KAZN: variants seen among roughly 807,000 people sequenced by gnomAD.
KAZN encodes the protein kazrin.
In KAZN, 40 loss-of-function variants were observed where a neutral mutation model predicts 87.4. The ratio of observed to expected loss-of-function variants is 0.46; its 90% CI spans 0.36 to 0.60. The LOEUF is 0.60. KAZN is among the 20% of genes least tolerant of loss of function. The pLI, the probability that KAZN is intolerant of heterozygous loss-of-function variation, is 0.00. For synonymous variants in KAZN, 466 were observed against 458.3 expected, an observed-to-expected ratio of 1.02 and a Z score of -0.22; for missense variants, 898 against 1,073.9, an observed-to-expected ratio of 0.84 and a Z score of 2.29.
intron 2 of KAZN, among the ~76,000 whole-genome samples, chr1:14,987,906 G>C (rs912435965): frequency 5.3e-5 from 8 of 152,352 alleles, no homozygotes; most frequent in African/African-American, 1.9e-4. Context: ...CCAGGCTGCA[G>C]AAGCCACAGG....
At chr1:15,065,938 G>T in intron 8 of KAZN, 185 bp downstream of exon 8, 1 of 1,414,056 alleles carries the variant, frequency 7.1e-7, no homozygotes. Context: ...GGGTGTGGCC[G>T]AGCGCCTCTA....
At chr1:14,403,243 A>G (rs1290913664) in intron 2 of KAZN, among the ~76,000 whole-genome samples, 9 of 152,210 alleles carry the variant, frequency 5.9e-5, no homozygotes, top group Admixed American at 5.9e-4. Flanking sequence ...GTAAGAAAAA[A>G]ATGAAAGTAC....
At chr1:14,521,662 C>T (rs1037985792) in intron 2 of KAZN, among the ~76,000 whole-genome samples, 2 of 152,154 alleles carry the variant, frequency 1.3e-5, no homozygotes, top group Non-Finnish European at 2.9e-5. Flanking sequence ...AACTGAGAAC[C>T]GCCTACAGTC....
intron 1 of KAZN, among the ~76,000 whole-genome samples, chr1:13,973,120 C>T (rs2101054147): frequency 6.6e-6 from 1 of 152,192 alleles, no homozygotes; most frequent in South Asian, 2.1e-4. Context: ...TCTTCTTCCT[C>T]TTCATCTTTA....
chr1:14,412,802 A>G (rs1474625018), intron 2 of KAZN, among the ~76,000 whole-genome samples: 1 of 151,534 alleles, frequency 6.6e-6, no homozygotes, highest in African/African-American at 2.4e-5. Flanking sequence ...GACACAAAAT[A>G]ATTTTTAAAA....
intron 2 of KAZN, among the ~76,000 whole-genome samples, chr1:14,237,831 A>AGAAGGT (rs1421363152): frequency 6.6e-6 from 1 of 152,180 alleles, no homozygotes; most frequent in Non-Finnish European, 1.5e-5. Context: ...ACAAGGTCCA[A>AGAAGGT]GAAGCCCACA....
chr1:13,971,406 T>C (rs1201612218), intron 1 of KAZN, among the ~76,000 whole-genome samples: 1 of 152,150 alleles, frequency 6.6e-6, no homozygotes, highest in African/African-American at 2.4e-5. Flanking sequence ...GGGCATTGAA[T>C]TGGAGGTTCA....
At position 15,114,579 on chromosome 1, in the gene KAZN, A is replaced by C. The variant is rs1332414533; in HGVS notation, c.2272A>C (p.Arg758=). Residue 758 remains arginine (R), a synonymous_variant, in exon 15 of 15, where the codon AGG becomes CGG. Coordinates refer to ENST00000376030, the MANE Select transcript of KAZN (RefSeq NM_201628.3). ...TTGCGGAGACGATGACCCCCAGAGCAGGCTGGAACAGTGCCGTCTGGAAGG... is the reference window on the plus strand; with the variant it reads ...TTGCGGAGACGATGACCCCCAGAGCCGGCTGGAACAGTGCCGTCTGGAAGG... ...EDCGDDDPQS[R]LEQCRLEGYN... 1 of 1,604,466 alleles carries C rather than the reference A, an allele frequency of 6.2e-7. No individual in the cohort carries two copies. The highest frequency in any genetic ancestry group is 8.5e-7 in the Non-Finnish European group (1 of 1,175,344).
chr1:14,481,468 A>G (rs992089273), intron 2 of KAZN, among the ~76,000 whole-genome samples: 1 of 152,290 alleles, frequency 6.6e-6, no homozygotes, highest in East Asian at 1.9e-4. Flanking sequence ...ATTAAGTAAG[A>G]GAGCAAGTTC....
In KAZN at chr1:14,920,709, C is replaced by T. The variant is rs61495498; in HGVS notation, c.227-39975C>T. On this transcript the variant is annotated intron_variant, in intron 1 of 14. Transcript: ENST00000376030. ...CAACAGTGGAGCATTCACCCAAGCT[C>T]GGGGCCCTTCTGAGCACGGGGCCCA... Among the ~76,000 whole-genome samples, 19 of 152,288 alleles carry T rather than the reference C, an allele frequency of 1.2e-4. No individual in the cohort carries two copies. In the East Asian group the frequency reaches 3.1e-3, roughly 25 times the overall value.
intron 2 of KAZN, among the ~76,000 whole-genome samples, chr1:14,186,946 C>T (rs1474645969): frequency 2.0e-5 from 3 of 152,104 alleles, no homozygotes; most frequent in Non-Finnish European, 4.4e-5. Flanking sequence ...ATACTGATGA[C>T]AGCGTACATG....
At chr1:14,037,954 G>A (rs1257338312) in intron 1 of KAZN, among the ~76,000 whole-genome samples, 1 of 152,130 alleles carries the variant, frequency 6.6e-6, no homozygotes, top group Non-Finnish European at 1.5e-5. Context: ...GGGTTTTAGG[G>A]GGTGAGAGGC....
intron 1 of KAZN, among the ~76,000 whole-genome samples, chr1:14,637,022 C>T (rs959651642): frequency 1.3e-5 from 2 of 152,042 alleles, no homozygotes; most frequent in African/African-American, 2.4e-5. Flanking sequence ...ACATGGTTAC[C>T]CAGGAATCTG....
At chr1:14,570,419 A>G (rs76020913) in intron 2 of KAZN, among the ~76,000 whole-genome samples, 16 of 152,300 alleles carry the variant, frequency 1.1e-4, no homozygotes, top group African/African-American at 3.1e-4. Context: ...CCCTAGCCCC[A>G]GATCACCACT....
intron 2 of KAZN, among the ~76,000 whole-genome samples, chr1:14,970,289 G>A (rs1212050019): frequency 6.6e-6 from 1 of 152,118 alleles, no homozygotes; most frequent in East Asian, 1.9e-4. Context: ...TGTCGTGCTT[G>A]CTGATATCTC....
At chr1:13,934,198 C>T (rs947867861) in intron 1 of KAZN, among the ~76,000 whole-genome samples, 1 of 152,212 alleles carries the variant, frequency 6.6e-6, no homozygotes, top group African/African-American at 2.4e-5. Context: ...TGCTGCCTCT[C>T]TCTGCCAGAT....
chr1:14,703,946 G>A (rs941657921), intron 1 of KAZN, among the ~76,000 whole-genome samples: 3 of 152,214 alleles, frequency 2.0e-5, no homozygotes, highest in East Asian at 1.9e-4. Context: ...GGAAGCAAAA[G>A]GGCCAGGAGA....
chr1:14,205,905 A>AAAAAAAAAAAAAAAAAAT (rs1557559797), intron 2 of KAZN, among the ~76,000 whole-genome samples: 1 of 49,438 alleles, frequency 2.0e-5, no homozygotes, highest in African/African-American at 9.6e-5. Context: ...AAAAAAAAAA[A>AAAAAAAAAAAAAAAAAAT]AGCTACCTAA....
chr1:14,695,292 G>A (rs935086726), intron 1 of KAZN, among the ~76,000 whole-genome samples: 40 of 152,096 alleles, frequency 2.6e-4, no homozygotes, highest in Admixed American at 1.4e-3. Context: ...TGGCCTTATA[G>A]ATCTGTAAGG....
Sources: allele counts gnomAD v4.1 joint callset (sites outside exome capture counted in the v4.1 genomes callset), GRCh38; gene constraint gnomAD v4.1.1; transcripts MANE v1.5; gene names NCBI Gene and HGNC (gene_info 2026-07-23, HGNC 2026-07-21).